ZNF385D: variants seen among roughly 807,000 people sequenced by gnomAD.
ZNF385D encodes zinc finger protein 659.
A neutral mutation model predicts 35.8 loss-of-function variants in ZNF385D; 15 were observed. The observed-to-expected ratio is 0.42, with a 90% confidence interval of 0.28 to 0.64. The LOEUF (loss-of-function observed/expected upper bound fraction) is 0.64, where lower values mean the gene tolerates loss of function less well. Among genes scored for constraint, ZNF385D ranks in the 30% least tolerant of loss-of-function variants. The pLI, the probability that ZNF385D is intolerant of heterozygous loss-of-function variation, is 0.23. For synonymous variants in ZNF385D, 212 were observed against 186.8 expected, an observed-to-expected ratio of 1.13 and a Z score of -1.10; for missense variants, 474 against 494.6, an observed-to-expected ratio of 0.96 and a Z score of 0.39.
At chr3:22,331,827 C>A (rs928614843) in intron 2 of ZNF385D, among the ~76,000 whole-genome samples, 1 of 152,088 alleles carries the variant, frequency 6.6e-6, no homozygotes, top group Non-Finnish European at 1.5e-5. Flanking sequence ...TAATTGAATT[C>A]GTAATCATCA....
At chr3:21,984,904 A>T (rs1694719820) in intron 3 of ZNF385D, among the ~76,000 whole-genome samples, 1 of 141,694 alleles carries the variant, frequency 7.1e-6, no homozygotes, top group South Asian at 2.7e-4. Context: ...TTGGATTCCT[A>T]GGTATTTTAT....
chr3:21,724,274 A>G (rs2068660327), intron 1 of ZNF385D, among the ~76,000 whole-genome samples: 3 of 151,962 alleles, frequency 2.0e-5, no homozygotes, highest in African/African-American at 7.3e-5. Flanking sequence ...TAGCATCATA[A>G]TGACAGGCTC....
intron 2 of ZNF385D, among the ~76,000 whole-genome samples, chr3:22,204,908 G>T (rs1697044480): frequency 6.8e-6 from 1 of 147,078 alleles, no homozygotes. Flanking sequence ...TGGCCATAAA[G>T]AGAGGATAGA....
At chr3:22,036,737 G>C (rs953004440) in intron 3 of ZNF385D, among the ~76,000 whole-genome samples, 5 of 142,376 alleles carry the variant, frequency 3.5e-5, no homozygotes, top group African/African-American at 1.1e-4. Flanking sequence ...TATACTCTAA[G>C]TTTTAGGGTA....
intron 2 of ZNF385D, among the ~76,000 whole-genome samples, chr3:22,222,486 A>G (rs1698317389): frequency 6.6e-6 from 1 of 152,188 alleles, no homozygotes; most frequent in Non-Finnish European, 1.5e-5. Flanking sequence ...TTCTTCATAT[A>G]TCTACAAAAG....
At chr3:22,292,047 CT>C (rs1263562802) in intron 2 of ZNF385D, among the ~76,000 whole-genome samples, 2 of 151,668 alleles carry the variant, frequency 1.3e-5, no homozygotes, top group Non-Finnish European at 3.0e-5. Flanking sequence ...TGGAGCCCTT[CT>C]TCTTTGACTT....
chr3:22,028,367 G>C (rs958193683), intron 3 of ZNF385D, among the ~76,000 whole-genome samples: 3 of 152,194 alleles, frequency 2.0e-5, no homozygotes, highest in Non-Finnish European at 4.4e-5. Flanking sequence ...TGGTGGCAGG[G>C]ATGGAGGTTA....
intron 3 of ZNF385D, among the ~76,000 whole-genome samples, chr3:22,120,378 CTCT>C (rs1428333845): frequency 1.3e-5 from 2 of 152,108 alleles, no homozygotes; most frequent in African/African-American, 4.8e-5. Context: ...GCATCCCTTC[CTCT>C]TCTTATGAGG....
chr3:21,428,551 C>T (rs1057139245), intron 5 of ZNF385D, among the ~76,000 whole-genome samples: 5 of 152,038 alleles, frequency 3.3e-5, no homozygotes, highest in Non-Finnish European at 7.4e-5. Context: ...TACAATTCTC[C>T]TTCCATCCCC....
chr3:22,140,070 A>G (rs940902077), intron 3 of ZNF385D, among the ~76,000 whole-genome samples: 1 of 152,212 alleles, frequency 6.6e-6, no homozygotes, highest in Non-Finnish European at 1.5e-5. Flanking sequence ...AACATATATT[A>G]CCACCCAACC....
intron 3 of ZNF385D, among the ~76,000 whole-genome samples, chr3:21,932,650 G>C (rs1701071353): frequency 6.6e-6 from 1 of 151,430 alleles, no homozygotes; most frequent in South Asian, 2.1e-4. Context: ...AAGTTAAGGA[G>C]GTTAAAAAAA....
intron 3 of ZNF385D, among the ~76,000 whole-genome samples, chr3:22,130,020 A>T (rs1609179): frequency 0.72 from 109,928 of 151,928 alleles, 40,170 homozygotes; most frequent in Middle Eastern, 0.77. Context: ...AAGGATTCTT[A>T]AGCCAGCAGG....
intron 3 of ZNF385D, among the ~76,000 whole-genome samples, chr3:21,524,665 A>G (rs1336748865): frequency 1.3e-5 from 2 of 152,166 alleles, no homozygotes; most frequent in Non-Finnish European, 2.9e-5. Context: ...GCAAGAGGGG[A>G]TTCGTAAAGT....
At chr3:21,791,860 G>A (rs9817512) in intron 3 of ZNF385D, among the ~76,000 whole-genome samples, 6,044 of 151,910 alleles carry the variant, frequency 0.04, 406 homozygotes, top group African/African-American at 0.14. Context: ...TCAGCCTCCC[G>A]AGTAGCTGGG....
chr3:21,496,482 A>AT (rs398105666), intron 4 of ZNF385D, among the ~76,000 whole-genome samples: 2 of 142,066 alleles, frequency 1.4e-5, no homozygotes, highest in Admixed American at 7.4e-5. Flanking sequence ...ATACATATAT[A>AT]CACATATATT....
chr3:21,833,468 C>T (rs1695132444), intron 3 of ZNF385D, among the ~76,000 whole-genome samples: 1 of 152,004 alleles, frequency 6.6e-6, no homozygotes, highest in South Asian at 2.1e-4. Flanking sequence ...TGGCCATAAG[C>T]CAAAAATTGT....
intron 2 of ZNF385D, among the ~76,000 whole-genome samples, chr3:22,183,561 T>C (rs1470818334): frequency 2.0e-5 from 3 of 152,166 alleles, no homozygotes; most frequent in Admixed American, 6.6e-5. Context: ...TTTCACCATA[T>C]TGGCCAGGCT....
chr3:21,661,095 C>T (rs2066225879), intron 2 of ZNF385D, among the ~76,000 whole-genome samples: 1 of 152,278 alleles, frequency 6.6e-6, no homozygotes, highest in Non-Finnish European at 1.5e-5. Context: ...TCCATGACTC[C>T]ATGAAAGAGA....
intron 3 of ZNF385D, among the ~76,000 whole-genome samples, chr3:21,823,391 C>T (rs1694397605): frequency 6.6e-6 from 1 of 152,110 alleles, no homozygotes; most frequent in Non-Finnish European, 1.5e-5. Context: ...CTGGACTTTG[C>T]ATTCATTACA....
Sources: allele counts gnomAD v4.1 joint callset (sites outside exome capture counted in the v4.1 genomes callset), GRCh38; gene constraint gnomAD v4.1.1; transcripts MANE v1.5; gene names NCBI Gene and HGNC (gene_info 2026-07-23, HGNC 2026-07-21).